Variants in MGST1 observed in about 807,000 individuals in gnomAD.
MGST1 encodes microsomal glutathione S-transferase 1.
A neutral mutation model predicts 8.9 loss-of-function variants in MGST1; 5 were observed. The ratio of observed to expected loss-of-function variants is 0.56; its 90% CI spans 0.29 to 1.19. The LOEUF (loss-of-function observed/expected upper bound fraction) is 1.19. Ranked by LOEUF, MGST1 falls within the 50% of genes most tolerant of loss-of-function variation. MGST1 has a pLI of 0.08. For missense variants in MGST1, 182 were observed against 187.4 expected, an observed-to-expected ratio of 0.97 and a Z score of 0.17; for synonymous variants, 54 against 67.8, an observed-to-expected ratio of 0.80 and a Z score of 1.00.
At chr12:16,463,361 T>C (rs549362859) in intron 4 of MGST1, among the ~76,000 whole-genome samples, 1 of 147,336 alleles carries the variant, frequency 6.8e-6, no homozygotes, top group African/African-American at 2.5e-5. Context: ...CACTTTTTTC[T>C]TAAGAGAAAG....
intron 4 of MGST1, among the ~76,000 whole-genome samples, chr12:16,467,437 T>A (rs1246110258): frequency 6.6e-6 from 1 of 152,192 alleles, no homozygotes; most frequent in Non-Finnish European, 1.5e-5. Context: ...TTTTTCCTTT[T>A]AAAATGGAAC....
rs926469841 is a variant in MGST1 at position 16,560,797 on chromosome 12, T to C, written n.483-28731T>C. On this transcript the variant is annotated intron_variant and non_coding_transcript_variant, in intron 4 of 4. Transcript: ENST00000538857. This position sits in a 1 kb window ranked among gnomAD's most constrained non-coding sequence, Gnocchi z 5.0. ...ATTAGGAAGCTTACGTAACTGCACATAAACAGAAGTCAATGGGGGTGAATT... is the reference window on the plus strand; with the variant it reads ...ATTAGGAAGCTTACGTAACTGCACACAAACAGAAGTCAATGGGGGTGAATT... 2.0e-6 allele frequency: 1 copy of C among 493,156 alleles called. No individual in the cohort carries two copies. The highest frequency in any genetic ancestry group is 3.8e-6 in the Non-Finnish European group (1 of 264,118). The allele number at this position is 493,156 out of a possible 1,614,324, so 30.5% of individuals were successfully genotyped here.
chr12:16,508,035 T>C (rs1163669371), intron 4 of MGST1, among the ~76,000 whole-genome samples: 4 of 152,164 alleles, frequency 2.6e-5, no homozygotes, highest in Non-Finnish European at 4.4e-5. Flanking sequence ...TATGCACATG[T>C]GTGTATTCTT....
chr12:16,377,415 C>G (rs991492778), downstream of MGST1, among the ~76,000 whole-genome samples: 6 of 150,384 alleles, frequency 4.0e-5, no homozygotes, highest in African/African-American at 1.2e-4. Flanking sequence ...TTTGTCCTTG[C>G]GATAGTTTGC....
downstream of MGST1, among the ~76,000 whole-genome samples, chr12:16,591,165 T>C (rs1301506057): frequency 6.6e-6 from 1 of 152,030 alleles, no homozygotes; most frequent in Non-Finnish European, 1.5e-5. The surrounding 1 kb of genome is among the most constrained non-coding windows in gnomAD (Gnocchi z 4.1). Flanking sequence ...ACACAGTGAC[T>C]ACCCCTTATT....
In MGST1 at chr12:16,560,206, T is replaced by C. The variant is rs1232111210; in HGVS notation, n.483-29322T>C. Among the ~76,000 whole-genome samples, 3 of 152,214 alleles carry C rather than the reference T, an allele frequency of 2.0e-5. No individual in the cohort carries two copies. Among genetic ancestry groups the C allele is most frequent in the Admixed American group, 6.5e-5 (1 of 15,282 alleles). ...TTCCATTTTCTGTTACTTGCTCTTA[T>C]ATGATGCTTTTCTTTCAGGTAGAAG... is the stretch of plus-strand genomic sequence containing the variant. On this transcript the variant is annotated intron_variant and non_coding_transcript_variant, in intron 4 of 4. Coordinates refer to the MGST1 transcript ENST00000538857. This position sits in a 1 kb window ranked among gnomAD's most constrained non-coding sequence, Gnocchi z 5.0.
intron 4 of MGST1, chr12:16,549,917 T>G (rs1183435130): frequency 6.6e-6 from 1 of 152,096 alleles, no homozygotes; most frequent in East Asian, 1.9e-4. Context: ...AAGACAAATT[T>G]CAGCCTAAGA....
intron 4 of MGST1, among the ~76,000 whole-genome samples, chr12:16,479,688 C>T (rs897072009): frequency 2.0e-5 from 3 of 151,920 alleles, no homozygotes; most frequent in Non-Finnish European, 2.9e-5. Flanking sequence ...TGCATGCCAT[C>T]GTACATGATT....
chr12:16,473,970 C>T (rs1316884182), intron 4 of MGST1, among the ~76,000 whole-genome samples: 3 of 152,176 alleles, frequency 2.0e-5, no homozygotes, highest in African/African-American at 7.2e-5. Flanking sequence ...TCTTTGTCAT[C>T]TTATTTCTAT....
chr12:16,465,623 C>T (rs1214411315), intron 4 of MGST1, among the ~76,000 whole-genome samples: 4 of 152,180 alleles, frequency 2.6e-5, no homozygotes, highest in Non-Finnish European at 5.9e-5. Context: ...GTCACTGTCT[C>T]CTATCACCCC....
intron 1 of MGST1, among the ~76,000 whole-genome samples, chr12:16,385,405 T>C (rs1441434335): frequency 6.6e-6 from 1 of 150,886 alleles, no homozygotes; most frequent in Non-Finnish European, 1.5e-5. Flanking sequence ...AATCACATGA[T>C]TTCTTTAAAA....
At chr12:16,430,248 A>G (rs1940926358) in intron 1 of MGST1, among the ~76,000 whole-genome samples, 1 of 152,206 alleles carries the variant, frequency 6.6e-6, no homozygotes, top group Admixed American at 6.6e-5. Context: ...GAAGTTTTGA[A>G]TTCCTCAAAC....
downstream of MGST1, among the ~76,000 whole-genome samples, chr12:16,380,681 C>T (rs1235184724): frequency 6.6e-6 from 1 of 152,132 alleles, no homozygotes; most frequent in African/African-American, 2.4e-5. Flanking sequence ...GAGCTGAGTT[C>T]AATTCCTGGG....
intron 4 of MGST1, among the ~76,000 whole-genome samples, chr12:16,495,718 T>C (rs961842852): frequency 2.0e-5 from 3 of 151,914 alleles, no homozygotes; most frequent in Non-Finnish European, 4.4e-5. Context: ...CCTGATACTC[T>C]AGTCTGGACT....
intron 4 of MGST1, among the ~76,000 whole-genome samples, chr12:16,518,475 T>C (rs1003835671): frequency 9.9e-5 from 15 of 152,216 alleles, no homozygotes; most frequent in African/African-American, 3.6e-4. Flanking sequence ...CTAACACTAG[T>C]CAAAATGATT....
At chr12:16,502,644 CA>C (rs1156753151) in intron 4 of MGST1, among the ~76,000 whole-genome samples, 1 of 152,016 alleles carries the variant, frequency 6.6e-6, no homozygotes, top group African/African-American at 2.4e-5. Context: ...AAGTACGTAT[CA>C]AAAAACACTG....
rs1942168819 is a variant in MGST1 at position 16,555,784 on chromosome 12, T to C, written n.483-33744T>C. Among the ~76,000 whole-genome samples, 1 of 152,198 alleles carries C rather than the reference T, an allele frequency of 6.6e-6. No individual in the cohort carries two copies. The highest frequency in any genetic ancestry group is 1.5e-5 in the Non-Finnish European group (1 of 68,034). On this transcript the variant is annotated intron_variant and non_coding_transcript_variant, in intron 4 of 4. Transcript: ENST00000538857. This position sits in a 1 kb window ranked among gnomAD's most constrained non-coding sequence, Gnocchi z 5.5. ...ACATCTGCATGCCTTTGCACGTTGC[T>C]CAATTTGCCTGAAAATTCCTTTCCT... is the stretch of plus-strand genomic sequence containing the variant.
intron 4 of MGST1, among the ~76,000 whole-genome samples, chr12:16,529,304 T>C (rs1244081724): frequency 6.6e-6 from 1 of 152,090 alleles, no homozygotes; most frequent in African/African-American, 2.4e-5. Context: ...CCCTGGTATA[T>C]TCATTATCCA....
downstream of MGST1, among the ~76,000 whole-genome samples, chr12:16,377,509 G>C (rs1331988507): frequency 3.9e-5 from 6 of 151,980 alleles, no homozygotes; most frequent in Non-Finnish European, 8.8e-5. Context: ...GTATTCCACG[G>C]TGTATATGTG....
Sources: gnomAD v4.1 joint callset for allele counts (sites outside exome capture counted in the v4.1 genomes callset) on GRCh38, gnomAD v4.1.1 for gene constraint, Gnocchi (gnomAD v3.1) non-coding constraint, MANE v1.5 for transcripts, NCBI Gene and HGNC (gene_info 2026-07-23, HGNC 2026-07-21) for gene names.